PARD3: variants seen among roughly 807,000 people sequenced by gnomAD.
PARD3 encodes partitioning defective 3 homolog.
In PARD3, 75 loss-of-function variants were observed where a neutral mutation model predicts 155.4. The ratio of observed to expected loss-of-function variants is 0.48; its 90% CI spans 0.40 to 0.58. The LOEUF is 0.58. PARD3 is among the 20% of genes least tolerant of loss of function. The pLI is 0.00. For synonymous variants in PARD3, 576 were observed against 610.5 expected, an observed-to-expected ratio of 0.94 and a Z score of 0.83; for missense variants, 1,642 against 1,721.7, an observed-to-expected ratio of 0.95 and a Z score of 0.82.
intron 14 of PARD3, among the ~76,000 whole-genome samples, chr10:34,352,326 T>G (rs1838178711): frequency 6.6e-6 from 1 of 152,208 alleles, no homozygotes; most frequent in South Asian, 2.1e-4. Flanking sequence ...CACTGTAAAG[T>G]TACTCTTTTT....
intron 7 of PARD3, 144 bp downstream of exon 7, chr10:34,399,186 T>C (rs1050049331): frequency 7.1e-5 from 46 of 643,374 alleles, no homozygotes; most frequent in Non-Finnish European, 1.1e-4. Flanking sequence ...ATGACATATA[T>C]ATAGGAATGA....
intron 5 of PARD3, among the ~76,000 whole-genome samples, chr10:34,415,058 T>G (rs979307909): frequency 6.6e-6 from 1 of 152,088 alleles, no homozygotes; most frequent in Non-Finnish European, 1.5e-5. Flanking sequence ...GTTAAAGCCA[T>G]GATCAGGAAG....
intron 22 of PARD3, among the ~76,000 whole-genome samples, chr10:34,267,721 G>C (rs918035742): frequency 2.6e-5 from 4 of 152,204 alleles, no homozygotes; most frequent in African/African-American, 9.7e-5. Flanking sequence ...TGCTATGGAT[G>C]AAGTATTTCC....
At chr10:34,518,733 C>T (rs1206449554) in intron 2 of PARD3, among the ~76,000 whole-genome samples, 1 of 152,180 alleles carries the variant, frequency 6.6e-6, no homozygotes, top group Non-Finnish European at 1.5e-5. Flanking sequence ...CATCATTAGG[C>T]AACCTCCACC....
chr10:34,716,327 A>G (rs570576043), intron 1 of PARD3, among the ~76,000 whole-genome samples: 123 of 152,350 alleles, frequency 8.1e-4, no homozygotes, highest in African/African-American at 2.5e-3. Context: ...AATATTCCCT[A>G]GGATACTTTA....
chr10:34,359,203 T>C lies in PARD3; in HGVS notation c.2011A>G (p.Asn671Asp). 1.2e-6 allele frequency: 2 copies of C among 1,614,054 alleles called. No homozygotes were observed. The highest frequency in any genetic ancestry group is 1.7e-6 in the Non-Finnish European group (2 of 1,179,922). The part of the protein sequence containing the change: ...TLRRSMSTEG[N>D]KRGMIQLIVA... ...ATAAGCTGGATCATTCCTCGTTTAT[T>C]GCCTTCAGTAGACATAGACCTTCTT... is the stretch of plus-strand genomic sequence containing the variant. Residue 671 changes from asparagine (N) to aspartate (D), a missense_variant, in exon 14 of 25, where the codon AAT (asparagine) becomes GAT (aspartate). Physicochemically the swap from Asn to Asp is conservative, Grantham distance 23 (BLOSUM62 1). Transcript: ENST00000374788.
intron 22 of PARD3, among the ~76,000 whole-genome samples, chr10:34,189,009 C>A (rs955730578): frequency 6.6e-6 from 1 of 152,042 alleles, no homozygotes; most frequent in Non-Finnish European, 1.5e-5. Context: ...AGAGGTTTTA[C>A]GAGGTCAAAA....
intron 2 of PARD3, among the ~76,000 whole-genome samples, chr10:34,684,920 T>C (rs538879221): frequency 2.1e-5 from 3 of 141,064 alleles, no homozygotes; most frequent in Non-Finnish European, 4.6e-5. Flanking sequence ...CAGAGTATAG[T>C]AGCACTAAGC....
chr10:34,751,749 G>A (rs1410846849), intron 1 of PARD3, among the ~76,000 whole-genome samples: 2 of 149,686 alleles, frequency 1.3e-5, no homozygotes, highest in Admixed American at 6.7e-5. Flanking sequence ...GACCACATGT[G>A]TATGTCACCA....
intron 22 of PARD3, among the ~76,000 whole-genome samples, chr10:34,190,965 A>G (rs1201410756): frequency 6.6e-6 from 1 of 152,092 alleles, no homozygotes; most frequent in Non-Finnish European, 1.5e-5. Flanking sequence ...GAGGAGACAT[A>G]TGAGTGCAAT....
At chr10:34,600,480 G>T (rs915379060) in intron 2 of PARD3, among the ~76,000 whole-genome samples, 1 of 152,128 alleles carries the variant, frequency 6.6e-6, no homozygotes, top group Non-Finnish European at 1.5e-5. Context: ...TCCAGTGTTA[G>T]GGAGGATGTG....
chr10:34,741,791 A>C (rs1475337435), intron 1 of PARD3, among the ~76,000 whole-genome samples: 1 of 152,238 alleles, frequency 6.6e-6, no homozygotes, highest in Non-Finnish European at 1.5e-5. Context: ...GTCTAACAGA[A>C]GTTAATGAAG....
intron 3 of PARD3, among the ~76,000 whole-genome samples, chr10:34,479,775 T>C (rs2078954701): frequency 6.6e-6 from 1 of 151,860 alleles, no homozygotes; most frequent in Non-Finnish European, 1.5e-5. Context: ...CAAGTCCTCC[T>C]CAAATGACAG....
intron 22 of PARD3, among the ~76,000 whole-genome samples, chr10:34,157,022 T>C (rs1426647280): frequency 2.0e-5 from 3 of 152,214 alleles, no homozygotes; most frequent in African/African-American, 4.8e-5. Flanking sequence ...AACATGATTA[T>C]TGTATGAGAA....
At chr10:34,413,423 T>A (rs899721701) in intron 5 of PARD3, among the ~76,000 whole-genome samples, 1 of 146,834 alleles carries the variant, frequency 6.8e-6, no homozygotes, top group Admixed American at 7.0e-5. Context: ...TTATTCAGAT[T>A]AGCATTTCAA....
chr10:34,684,730 T>G (rs1218062277), intron 2 of PARD3, among the ~76,000 whole-genome samples: 2 of 151,008 alleles, frequency 1.3e-5, no homozygotes, highest in African/African-American at 4.9e-5. Context: ...ACTTAACACC[T>G]GCTGGTCTTT....
intron 22 of PARD3, among the ~76,000 whole-genome samples, chr10:34,217,596 G>C (rs1045855960): frequency 6.6e-6 from 1 of 152,202 alleles, no homozygotes; most frequent in South Asian, 2.1e-4. Flanking sequence ...GGGATAGACG[G>C]GCATGGAACC....
chr10:34,406,217 G>GA (rs1051493132), intron 5 of PARD3, among the ~76,000 whole-genome samples: 5 of 152,102 alleles, frequency 3.3e-5, no homozygotes, highest in Non-Finnish European at 7.4e-5. Context: ...CTTCTACACT[G>GA]AAAAAACAAT....
chr10:34,160,757 G>A (rs1056096527), intron 22 of PARD3, among the ~76,000 whole-genome samples: 5 of 152,124 alleles, frequency 3.3e-5, no homozygotes, highest in Admixed American at 6.5e-5. Context: ...AACTTTGACC[G>A]TTCACAGTAT....
Sources: allele counts gnomAD v4.1 joint callset (sites outside exome capture counted in the v4.1 genomes callset), GRCh38; gene constraint gnomAD v4.1.1; transcripts MANE v1.5; gene names NCBI Gene and HGNC (gene_info 2026-07-23, HGNC 2026-07-21).